TANC1: variants seen among roughly 807,000 people sequenced by gnomAD.
The protein encoded by TANC1 is tetratricopeptide repeat, ankyrin repeat and coiled-coil containing 1, also known as protein TANC1.
A neutral mutation model predicts 149.7 loss-of-function variants in TANC1; 77 were observed. That is an observed-to-expected ratio of 0.51 (90% CI 0.43 to 0.62). TANC1 has a LOEUF of 0.62. Ranked by LOEUF, TANC1 falls within the 20% of genes least tolerant of loss-of-function variation. The pLI, the probability that TANC1 is intolerant of heterozygous loss-of-function variation, is 0.00. For missense variants in TANC1, 1,985 were observed against 2,321.8 expected, an observed-to-expected ratio of 0.85 and a Z score of 2.98; for synonymous variants, 854 against 925.0, an observed-to-expected ratio of 0.92 and a Z score of 1.39.
chr2:159,095,795 A>G (rs2046063490), intron 3 of TANC1, among the ~76,000 whole-genome samples: 1 of 151,162 alleles, frequency 6.6e-6, no homozygotes, highest in Non-Finnish European at 1.5e-5. Context: ...CATATAAGGC[A>G]TATGTCCTAT....
chr2:158,992,678 T>C (rs1367378411), intron 1 of TANC1, among the ~76,000 whole-genome samples: 3 of 86,902 alleles, frequency 3.5e-5, no homozygotes, highest in African/African-American at 1.2e-4. Context: ...AATTTTTTTT[T>C]TTTTTTTTTT....
chr2:159,122,163 C>T (rs1382136353), intron 4 of TANC1, among the ~76,000 whole-genome samples: 1 of 152,180 alleles, frequency 6.6e-6, no homozygotes, highest in Admixed American at 6.5e-5. Flanking sequence ...GTCTGGAACT[C>T]CTGGGCTCAA....
chr2:159,031,401 G>A lies in TANC1; in HGVS notation c.-16+30212G>A, dbSNP rs536819267. Among the ~76,000 whole-genome samples, 11 of 152,304 alleles carry A rather than the reference G, an allele frequency of 7.2e-5. No individual in the cohort carries two copies. In the South Asian group the frequency reaches 2.1e-3, roughly 29 times the overall value. On this transcript the variant is annotated intron_variant, in intron 2 of 26. Transcript: ENST00000263635. ...AAATAGAGAGGTTTTTAGTGTCCTG[G>A]TAGGTCATTTCAGCCTGCTTGCAAG... is the stretch of plus-strand genomic sequence containing the variant.
intron 19 of TANC1, among the ~76,000 whole-genome samples, chr2:159,200,515 CTT>C (rs1408644468): frequency 1.3e-5 from 2 of 152,294 alleles, no homozygotes; most frequent in East Asian, 3.9e-4. Flanking sequence ...TTCAAGATGA[CTT>C]TTTTATTTGG....
intron 18 of TANC1, among the ~76,000 whole-genome samples, chr2:159,197,392 A>G (rs1253193488): frequency 6.6e-6 from 1 of 152,186 alleles, no homozygotes; most frequent in Non-Finnish European, 1.5e-5. Context: ...TGTGAATTTA[A>G]TAATGTTTTG....
intron 10 of TANC1, 64 bp downstream of exon 10, chr2:159,170,869 T>C (rs1315545487): frequency 6.4e-7 from 1 of 1,553,660 alleles, no homozygotes; most frequent in African/African-American, 1.4e-5. Context: ...AAATTGCTGT[T>C]CACATAGACA....
intron 17 of TANC1, 125 bp from the exon 18 acceptor site, chr2:159,196,483 A>G: frequency 1.4e-6 from 1 of 716,714 alleles, no homozygotes; most frequent in Non-Finnish European, 2.2e-6. Context: ...CCAGAAAGAC[A>G]AGTTGGAATG....
At chr2:159,225,503 G>A in intron 23 of TANC1, 185 bp from the exon 24 acceptor site, 1 of 605,376 alleles carries the variant, frequency 1.7e-6, no homozygotes, top group Non-Finnish European at 3.0e-6. Flanking sequence ...ACAGATTTGA[G>A]TGCCCAGGTC....
At chr2:159,163,677 C>T in intron 8 of TANC1, 131 bp downstream of exon 8, 1 of 932,874 alleles carries the variant, frequency 1.1e-6, no homozygotes, top group South Asian at 1.8e-5. Context: ...CTTACCTTTT[C>T]TAAGCCTCAG....
intron 2 of TANC1, chr2:159,056,758 C>A: frequency 3.0e-6 from 1 of 328,700 alleles, no homozygotes; most frequent in Non-Finnish European, 6.3e-6. Flanking sequence ...CACAAGATGG[C>A]ATTGCTCTGG....
rs2044378167 is a variant in TANC1, at chr2:159,082,480, CT to C, written c.62-15153del. Among the ~76,000 whole-genome samples, 5 of 152,024 alleles carry C rather than the reference CT, an allele frequency of 3.3e-5. No individual in the cohort carries two copies. In the South Asian group the frequency reaches 1.0e-3, roughly 32 times the overall value. ...GTAATTTCTATACCATTTTGGCTTG[CT>C]TTTCTGCTCCTTTACACTCTCCTTT... On this transcript the variant is annotated intron_variant, in intron 3 of 26. Transcript: ENST00000263635.
intron 4 of TANC1, among the ~76,000 whole-genome samples, chr2:159,103,117 T>C (rs2046897962): frequency 1.0e-5 from 1 of 96,364 alleles, no homozygotes; most frequent in African/African-American, 2.9e-5. Flanking sequence ...ATAACAAAAT[T>C]GACCATCTTA....
chr2:159,083,676 A>T (rs906734338), intron 3 of TANC1, among the ~76,000 whole-genome samples: 4 of 152,216 alleles, frequency 2.6e-5, no homozygotes, highest in Non-Finnish European at 5.9e-5. Flanking sequence ...AATTTATAGA[A>T]TTGTTAGAGG....
At chr2:159,150,747 T>A (rs1465490719) in intron 7 of TANC1, 191 bp downstream of exon 7, 1 of 553,880 alleles carries the variant, frequency 1.8e-6, no homozygotes, top group Non-Finnish European at 3.2e-6. Flanking sequence ...CATTCCTTGA[T>A]GTTTACTTTA....
At chr2:159,035,573 A>G (rs1199334368) in intron 2 of TANC1, among the ~76,000 whole-genome samples, 1 of 152,206 alleles carries the variant, frequency 6.6e-6, no homozygotes, top group Non-Finnish European at 1.5e-5. Flanking sequence ...CTGTAGTTAT[A>G]AGTAACCTCT....
Position 159,196,774 on chromosome 2 carries a change from C to T in TANC1, c.3146C>T (p.Ala1049Val), listed in dbSNP as rs370637349. The T allele has an allele frequency of 6.2e-7, 1 of 1,611,940 alleles. No individual in the cohort carries two copies. Among genetic ancestry groups the T allele is most frequent in the Non-Finnish European group, 8.5e-7 (1 of 1,179,556 alleles). Residue 1049 changes from alanine (A) to valine (V), a missense_variant, in exon 18 of 27, where the codon GCC becomes GTC. This residue lies in a region of TANC1 where 508 missense variants were observed against 714.2 expected (regional missense o/e 0.71). Coordinates refer to ENST00000263635, the MANE Select transcript of TANC1 (RefSeq NM_033394.3). ...HALQQALTAA[A>V]SMGHSSVVQC... The stretch of plus-strand genomic sequence containing the variant: ...CTGCAGCAGGCGCTGACCGCGGCGG[C>T]CAGCATGGGCCACAGCTCGGTGAGT...
intron 4 of TANC1, among the ~76,000 whole-genome samples, chr2:159,108,023 G>T (rs2047359280): frequency 6.6e-6 from 1 of 152,182 alleles, no homozygotes; most frequent in Non-Finnish European, 1.5e-5. Flanking sequence ...TGGTGATGGA[G>T]CATAGGTAAG....
intron 2 of TANC1, among the ~76,000 whole-genome samples, chr2:159,015,186 G>A (rs2038144371): frequency 3.9e-5 from 6 of 152,212 alleles, no homozygotes; most frequent in Admixed American, 3.9e-4. Flanking sequence ...CTGAAATCTA[G>A]GCAGAGATTC....
At chr2:159,116,012 C>G (rs2048203963) in intron 4 of TANC1, among the ~76,000 whole-genome samples, 1 of 152,088 alleles carries the variant, frequency 6.6e-6, no homozygotes, top group Non-Finnish European at 1.5e-5. Flanking sequence ...TTGTGAAGAG[C>G]ACCAAGGAGT....
Sources: allele counts gnomAD v4.1 joint callset (sites outside exome capture counted in the v4.1 genomes callset), GRCh38; gene constraint gnomAD v4.1.1; regional missense constraint gnomAD v4.1.1; transcripts MANE v1.5; gene names NCBI Gene and HGNC (gene_info 2026-07-23, HGNC 2026-07-21).